Variants in EYS observed in about 807,000 individuals in gnomAD.
The protein encoded by EYS is EGF-like photoreceptor maintenance factor.
A neutral mutation model predicts 282.1 loss-of-function variants in EYS; 250 were observed. The ratio of observed to expected loss-of-function variants is 0.89; its 90% CI spans 0.80 to 0.98. The LOEUF (loss-of-function observed/expected upper bound fraction) is 0.98. Ranked by LOEUF, EYS falls within the 50% of genes least tolerant of loss-of-function variation. The pLI is 0.00. For missense variants in EYS, 4,016 were observed against 3,709.0 expected (o/e 1.08, Z -2.15); for synonymous variants, 1,355 against 1,282.9 (o/e 1.06, Z -1.20).
chr6:65,416,541 T>C (rs1767244857), intron 5 of EYS, among the ~76,000 whole-genome samples: 1 of 151,962 alleles, frequency 6.6e-6, no homozygotes, highest in Admixed American at 6.6e-5. Context: ...GGGGCTTCTA[T>C]AAAACAAACT....
At chr6:64,993,420 C>T (rs1000417758) in intron 14 of EYS, among the ~76,000 whole-genome samples, 1 of 151,626 alleles carries the variant, frequency 6.6e-6, no homozygotes, top group African/African-American at 2.4e-5. Flanking sequence ...AGTTCACGTC[C>T]TTTGTAGGAA....
At chr6:64,505,808 A>G (rs1777189901) in intron 26 of EYS, among the ~76,000 whole-genome samples, 1 of 152,250 alleles carries the variant, frequency 6.6e-6, no homozygotes. Context: ...TAATCACATA[A>G]AAACTTCAAT....
rs1185686653 is a variant in EYS at position 64,591,714 on chromosome 6, GA to G, written c.4152del (p.Pro1385LeufsTer14). On this transcript the variant is annotated frameshift_variant, in exon 26 of 43. Transcript: ENST00000503581. LOFTEE classifies it high-confidence loss of function. ...RTSAATLGFFFPDRRARTPFI... is the reference protein window; with the variant it reads ...RTSAATLGFFXPDRRARTPFI... The stretch of plus-strand genomic sequence containing the variant: ...AATGGGGTCCTTGCTCTCCTATCAG[GA>G]AAAAAGAAACCTAGTGTGGCTGCTG... The G allele has an allele frequency of 6.4e-7, 1 of 1,551,146 alleles. No homozygotes were observed. Among genetic ancestry groups the G allele is most frequent in the South Asian group, 1.2e-5 (1 of 84,022 alleles).
intron 31 of EYS, among the ~76,000 whole-genome samples, chr6:64,176,617 T>G (rs1039724530): frequency 1.3e-5 from 2 of 152,062 alleles, no homozygotes; most frequent in Admixed American, 1.3e-4. Context: ...AAAAAAATCC[T>G]TTTTCATTCA....
At chr6:64,448,148 A>G (rs186223302) in intron 26 of EYS, among the ~76,000 whole-genome samples, 1 of 152,012 alleles carries the variant, frequency 6.6e-6, no homozygotes, top group African/African-American at 2.4e-5. Flanking sequence ...AAATCGGGTA[A>G]CTCCCACCCT....
chr6:64,979,607 A>G (rs1305178367), intron 14 of EYS, among the ~76,000 whole-genome samples: 1 of 151,642 alleles, frequency 6.6e-6, no homozygotes, highest in Non-Finnish European at 1.5e-5. Context: ...AGCAAAGATC[A>G]GTTGTTGACA....
intron 1 of EYS, among the ~76,000 whole-genome samples, chr6:65,705,936 C>T (rs866172160): frequency 9.9e-5 from 15 of 151,762 alleles, no homozygotes; most frequent in African/African-American, 3.4e-4. Context: ...TTCCTTAATC[C>T]TGCTAATAAT....
At chr6:64,021,494 TTGTCAACAATGCACATCTTGAGAAAAA>T (rs1339945959) in intron 33 of EYS, among the ~76,000 whole-genome samples, 1 of 152,008 alleles carries the variant, frequency 6.6e-6, no homozygotes, top group Non-Finnish European at 1.5e-5. Flanking sequence ...CAGCCCTAAA[TTGTCAACAATGCACATCTTGAGAAAAA>T]TGTTCCAAAG....
intron 26 of EYS, among the ~76,000 whole-genome samples, chr6:64,510,821 T>C (rs1002469171): frequency 6.6e-6 from 1 of 152,104 alleles, no homozygotes; most frequent in African/African-American, 2.4e-5. Flanking sequence ...CCAGTAAAGA[T>C]TATCTCTAGA....
chr6:64,454,427 TAA>T (rs1465805619), intron 26 of EYS, among the ~76,000 whole-genome samples: 3 of 152,164 alleles, frequency 2.0e-5, no homozygotes, highest in Non-Finnish European at 4.4e-5. Context: ...TTAAGTTGCA[TAA>T]AAAGTCATTA....
intron 22 of EYS, among the ~76,000 whole-genome samples, chr6:64,810,425 C>T (rs950992470): frequency 3.3e-5 from 5 of 151,960 alleles, no homozygotes; most frequent in Non-Finnish European, 5.9e-5. Flanking sequence ...AACTTGACAG[C>T]ACTTACTATA....
At chr6:64,883,460 A>G (rs1327948441) in intron 19 of EYS, among the ~76,000 whole-genome samples, 1 of 151,294 alleles carries the variant, frequency 6.6e-6, no homozygotes, top group East Asian at 1.9e-4. Context: ...ATATTAATAT[A>G]GATATAAACA....
intron 12 of EYS, among the ~76,000 whole-genome samples, chr6:65,094,202 C>A (rs145893442): frequency 8.5e-4 from 127 of 149,084 alleles, no homozygotes; most frequent in Non-Finnish European, 5.5e-4. Flanking sequence ...AACATCAGAG[C>A]ACCTAAATAT....
intron 28 of EYS, among the ~76,000 whole-genome samples, chr6:64,435,823 C>T (rs1025765515): frequency 1.6e-4 from 25 of 151,688 alleles, no homozygotes; most frequent in Non-Finnish European, 2.7e-4. Context: ...CTTCTTTATG[C>T]TTTTCTGGAA....
At position 63,789,170 on chromosome 6, in the gene EYS, T is replaced by C. The variant is rs781576158; in HGVS notation, c.7466A>G (p.Tyr2489Cys). Reference protein sequence around the residue: ...AVGLLNGSVVYSYNLGSGIAS... With the variant: ...AVGLLNGSVVCSYNLGSGIAS... Reference sequence around the variant, plus strand: ...TATGCCAGACCCCAGGTTATAACTATAAACCACACTGCCATTGAGCAGGCC... The same window carrying C: ...TATGCCAGACCCCAGGTTATAACTACAAACCACACTGCCATTGAGCAGGCC... Residue 2489 changes from tyrosine (Y) to cysteine (C), a missense_variant, in exon 38 of 43, where the codon TAT becomes TGT. Tyr to Cys is a radical substitution (Grantham distance 194, BLOSUM62 -2). Transcript: ENST00000503581. The C allele has an allele frequency of 7.7e-6, 12 of 1,551,806 alleles. No individual in the cohort carries two copies. Among genetic ancestry groups the C allele is most frequent in the Non-Finnish European group, 9.6e-6 (11 of 1,146,946 alleles).
intron 31 of EYS, among the ~76,000 whole-genome samples, chr6:64,216,280 A>G (rs1235744074): frequency 6.6e-6 from 1 of 152,176 alleles, no homozygotes; most frequent in African/African-American, 2.4e-5. Flanking sequence ...GAGACAAACA[A>G]AGTCTCTAAA....
intron 12 of EYS, among the ~76,000 whole-genome samples, chr6:65,070,685 T>TG (rs1561950949): frequency 6.6e-6 from 1 of 151,754 alleles, no homozygotes; most frequent in Non-Finnish European, 1.5e-5. Context: ...TCTTTTTCTA[T>TG]GGGGGCAAAT....
chr6:65,643,481 C>T (rs909536380), intron 1 of EYS, among the ~76,000 whole-genome samples: 1 of 152,162 alleles, frequency 6.6e-6, no homozygotes, highest in Non-Finnish European at 1.5e-5. Context: ...GACATAATCT[C>T]TTGGGAGCTC....
At chr6:63,743,839 C>T (rs576557334) in intron 41 of EYS, among the ~76,000 whole-genome samples, 2 of 152,236 alleles carry the variant, frequency 1.3e-5, no homozygotes, top group Non-Finnish European at 2.9e-5. Flanking sequence ...CAAAAACAAC[C>T]AACCAAACAA....
Sources: gnomAD v4.1 joint callset for allele counts (sites outside exome capture counted in the v4.1 genomes callset) on GRCh38, gnomAD v4.1.1 for gene constraint, MANE v1.5 for transcripts, NCBI Gene and HGNC (gene_info 2026-07-23, HGNC 2026-07-21) for gene names.